FBLN1: variants seen among roughly 807,000 people sequenced by gnomAD.
FBLN1 encodes fibulin-1.
A neutral mutation model predicts 89.7 loss-of-function variants in FBLN1; 34 were observed. That is an observed-to-expected ratio of 0.38 (90% CI 0.29 to 0.50). The LOEUF (loss-of-function observed/expected upper bound fraction) is 0.50. FBLN1 is among the 20% of genes least tolerant of loss of function. The pLI is 0.92. For missense variants in FBLN1, 777 were observed against 988.1 expected (o/e 0.79, Z 2.86); for synonymous variants, 393 against 391.3 (o/e 1.00, Z -0.05).
At chr22:45,535,847 T>A (rs1015909866) in intron 8 of FBLN1, among the ~76,000 whole-genome samples, 2 of 152,226 alleles carry the variant, frequency 1.3e-5, no homozygotes, top group Admixed American at 1.3e-4. Context: ...CGGTGAGTGG[T>A]GATTCCCTGC....
rs912006155 is a variant in FBLN1 at position 45,505,870 on chromosome 22, G to C, written c.79+2806G>C. Among the ~76,000 whole-genome samples the C allele has an allele frequency of 1.2e-4, 18 of 152,190 alleles. No individual in the cohort carries two copies. The Middle Eastern group carries it at 0.017, about 144-fold the overall frequency. ...CACTGCAACCTCCGCCTCCCGAGTT[G>C]AAGCGATTCTCCTGCTTCAGCCTCC... On this transcript the variant is annotated intron_variant, in intron 1 of 16. Coordinates refer to ENST00000327858, the MANE Select transcript of FBLN1 (RefSeq NM_006486.3).
At chr22:45,559,194 A>T (rs1481621689) in intron 14 of FBLN1, among the ~76,000 whole-genome samples, 1 of 152,216 alleles carries the variant, frequency 6.6e-6, no homozygotes, top group Non-Finnish European at 1.5e-5. Flanking sequence ...AGGTACCAAG[A>T]GATATGGTAA....
rs1339316773 is a variant in FBLN1 at position 45,588,436 on chromosome 22, C to T, written c.1972+11328C>T. Among the ~76,000 whole-genome samples, 1 of 152,166 alleles carries T rather than the reference C, an allele frequency of 6.6e-6. No homozygotes were observed. The highest frequency in any genetic ancestry group is 1.5e-5 in the Non-Finnish European group (1 of 68,032). ...TGACTTTCAATTCCACCAAACAATT[C>T]CTAGACAGAAGAGCCTCCAGGGGTT... On this transcript the variant is annotated intron_variant, in intron 16 of 16. Coordinates refer to ENST00000327858, the MANE Select transcript of FBLN1 (RefSeq NM_006486.3). The surrounding 1 kb of genome is among the most constrained non-coding windows in gnomAD (Gnocchi z 5.1).
At chr22:45,571,084 G>A (rs564454154) in intron 14 of FBLN1, among the ~76,000 whole-genome samples, 233 of 121,432 alleles carry the variant, frequency 1.9e-3, no homozygotes, top group Non-Finnish European at 3.1e-3. Flanking sequence ...TCATGCCACT[G>A]CATTCCAGCC....
At chr22:45,546,388 T>G (rs1161423218) in intron 11 of FBLN1, among the ~76,000 whole-genome samples, 3 of 152,128 alleles carry the variant, frequency 2.0e-5, no homozygotes, top group African/African-American at 7.2e-5. Context: ...GGCTAATTCT[T>G]GTATTTTTAG....
intron 14 of FBLN1, chr22:45,558,214 C>T (rs989657918): frequency 9.9e-6 from 6 of 604,044 alleles, no homozygotes; most frequent in Admixed American, 2.5e-5. Flanking sequence ...AGCCCGATCA[C>T]GTATATACCA....
intron 1 of FBLN1, among the ~76,000 whole-genome samples, chr22:45,513,623 A>G (rs6007074): frequency 0.12 from 17,611 of 152,028 alleles, 1,458 homozygotes; most frequent in African/African-American, 0.23. Flanking sequence ...CAAACTGTTA[A>G]ATACTAACTC....
chr22:45,552,444 C>T (rs575481834), intron 14 of FBLN1, among the ~76,000 whole-genome samples: 1 of 152,358 alleles, frequency 6.6e-6, no homozygotes, highest in Admixed American at 6.5e-5. Flanking sequence ...AGGGGCCACC[C>T]CCTCTCAGCA....
intron 2 of FBLN1, among the ~76,000 whole-genome samples, chr22:45,519,312 C>T (rs1310320823): frequency 1.3e-5 from 2 of 152,024 alleles, no homozygotes; most frequent in Admixed American, 6.6e-5. Flanking sequence ...ATTCTGAGAC[C>T]GTGTAAGCTT....
At chr22:45,504,343 T>C (rs1045172991) in intron 1 of FBLN1, among the ~76,000 whole-genome samples, 1 of 151,206 alleles carries the variant, frequency 6.6e-6, no homozygotes, top group African/African-American at 2.4e-5. Context: ...CCTCGTGGGG[T>C]TGGAGATGGT....
intron 10 of FBLN1, among the ~76,000 whole-genome samples, chr22:45,542,774 G>A (rs192475407): frequency 9.8e-5 from 15 of 152,328 alleles, no homozygotes; most frequent in Admixed American, 3.3e-4. Context: ...CTCCCCCAAA[G>A]TGGGCACTTT....
chr22:45,549,347 A>T lies in FBLN1; in HGVS notation c.1573+603A>T, dbSNP rs2088672361. 1.3e-5 allele frequency among the ~76,000 whole-genome samples: 2 copies of T among 152,152 alleles called. No homozygotes were observed. The highest frequency in any genetic ancestry group is 2.9e-5 in the Non-Finnish European group (2 of 68,020). On this transcript the variant is annotated intron_variant, in intron 13 of 16. Transcript: ENST00000327858. This position sits in a 1 kb window ranked among gnomAD's most constrained non-coding sequence, Gnocchi z 5.7. ...GTGTACACACTGCGCCCAGAAGCTGAGTCATGGAGGTGGGGCTGTCCAGCC... is the reference window on the plus strand; with the variant it reads ...GTGTACACACTGCGCCCAGAAGCTGTGTCATGGAGGTGGGGCTGTCCAGCC...
chr22:45,568,349 GGTGTC>G (rs1289975913), intron 14 of FBLN1, among the ~76,000 whole-genome samples: 1 of 152,206 alleles, frequency 6.6e-6, no homozygotes, highest in Admixed American at 6.5e-5. Flanking sequence ...CCAAAATCAA[GGTGTC>G]AGCAGGGCTG....
intron 14 of FBLN1, among the ~76,000 whole-genome samples, chr22:45,570,345 G>A (rs1051723595): frequency 0.024 from 1,421 of 59,906 alleles, no homozygotes; most frequent in Middle Eastern, 0.03. Flanking sequence ...AAAAAGAAAA[G>A]AAAAGAAAAG....
At chr22:45,514,115 CT>C (rs1271823877) in intron 1 of FBLN1, among the ~76,000 whole-genome samples, 1 of 152,018 alleles carries the variant, frequency 6.6e-6, no homozygotes, top group Non-Finnish European at 1.5e-5. Context: ...ACAGAGACAA[CT>C]TTTTTTCGTT....
At position 45,532,749 on chromosome 22, in the gene FBLN1, T is replaced by C; in HGVS notation, c.545-314T>C. 1 of 456,554 alleles carries C rather than the reference T, an allele frequency of 2.2e-6. No individual in the cohort carries two copies. Among genetic ancestry groups the C allele is most frequent in the Non-Finnish European group, 4.1e-6 (1 of 246,098 alleles). The allele number at this position is 456,554 out of a possible 1,614,324, so 28.3% of individuals were successfully genotyped here. On this transcript the variant is annotated intron_variant, in intron 5 of 16. Transcript: ENST00000327858. This position sits in a 1 kb window ranked among gnomAD's most constrained non-coding sequence, Gnocchi z 4.2. ...CTTCCACGTGGAGCCCACACCCCCA[T>C]GTCTGTGACCGGCAGTGAGCTCTTC... is the stretch of plus-strand genomic sequence containing the variant.
At chr22:45,517,723 C>T (rs1003111688) in intron 1 of FBLN1, 2 of 435,714 alleles carry the variant, frequency 4.6e-6, no homozygotes, top group Non-Finnish European at 4.8e-6. Context: ...GAAACCATCA[C>T]CAGCCTCGGT....
In FBLN1 at chr22:45,536,730, A is replaced by G. The variant is rs1025418249; in HGVS notation, c.922+1393A>G. ...CAGTGAGCTGAGATCACGCCACTGT[A>G]CTCCAGCCTGGGTGACAGAGTGAGA... On this transcript the variant is annotated intron_variant, in intron 8 of 16. Coordinates refer to ENST00000327858, the MANE Select transcript of FBLN1 (RefSeq NM_006486.3). The surrounding 1 kb of genome is among the most constrained non-coding windows in gnomAD (Gnocchi z 5.1). Among the ~76,000 whole-genome samples, 5 of 151,928 alleles carry G rather than the reference A, an allele frequency of 3.3e-5. No homozygotes were observed. Among genetic ancestry groups the G allele is most frequent in the African/African-American group, 4.8e-5 (2 of 41,342 alleles).
rs3074727 is a variant in FBLN1, at chr22:45,525,105, AAGAG to A, written c.186-424_186-421del. Among the ~76,000 whole-genome samples the A allele has an allele frequency of 1.8e-4, 26 of 142,198 alleles. 1 individual carries two copies. The highest frequency in any genetic ancestry group is 4.8e-4 in the Admixed American group (7 of 14,446). The allele number at this position is 142,198 out of a possible 152,430, so 93.3% of individuals were successfully genotyped here. A position where few individuals can be genotyped will look rare whatever the true frequency, so the allele number is the denominator to read the frequency against. On this transcript the variant is annotated intron_variant, in intron 2 of 16. Transcript: ENST00000327858. ...AGAAAGAGAGAAAGAGAGAAAGGGAAAGAGAGAGAGAGAGAGAAAGAAAAACAGA... is the reference window on the plus strand; with the variant it reads ...AGAAAGAGAGAAAGAGAGAAAGGGAAAGAGAGAGAGAGAAAGAAAAACAGA...
Sources: allele counts gnomAD v4.1 joint callset (sites outside exome capture counted in the v4.1 genomes callset), GRCh38; gene constraint gnomAD v4.1.1; non-coding constraint Gnocchi (gnomAD v3.1); transcripts MANE v1.5; gene names NCBI Gene and HGNC (gene_info 2026-07-23, HGNC 2026-07-21).